The following CARNMT1 variants were observed in gnomAD, a reference collection of about 807,000 sequenced individuals.
The protein encoded by CARNMT1 is protein-L-histidine N-pros-methyltransferase CARNMT1.
In CARNMT1, 28 loss-of-function variants were observed where a neutral mutation model predicts 49.6. That is an observed-to-expected ratio of 0.56 (90% CI 0.42 to 0.77). The LOEUF is 0.77. CARNMT1 is among the 30% of genes least tolerant of loss of function. The probability of loss-of-function intolerance (pLI) is 0.00; values close to 1 mark genes in which losing one functional copy is unlikely to be tolerated. For synonymous variants in CARNMT1, 178 were observed against 175.0 expected (o/e 1.02, Z -0.13); for missense variants, 421 against 512.6 (o/e 0.82, Z 1.73).
intron 6 of CARNMT1, among the ~76,000 whole-genome samples, chr9:74,987,256 T>G (rs1339160460): frequency 6.6e-6 from 1 of 152,220 alleles, no homozygotes; most frequent in Non-Finnish European, 1.5e-5. Flanking sequence ...ACACTCACCA[T>G]ATGTGACCCA....
At chr9:74,989,285 A>G (rs1314749835) in intron 6 of CARNMT1, among the ~76,000 whole-genome samples, 1 of 151,554 alleles carries the variant, frequency 6.6e-6, no homozygotes, top group Non-Finnish European at 1.5e-5. Context: ...TAATTTTTAA[A>G]CTTTTTTTTT....
intron 1 of CARNMT1, 68 bp from the exon 2 acceptor site, chr9:75,017,516 G>A (rs1833888722): frequency 7.5e-7 from 1 of 1,334,762 alleles, no homozygotes; most frequent in African/African-American, 1.5e-5. Context: ...TTACTTTAAG[G>A]TTGTCTTTCT....
At position 74,984,915 on chromosome 9, in the gene CARNMT1, T is replaced by C. The variant is rs1832785411; in HGVS notation, c.1120A>G (p.Lys374Glu). 2 of 1,610,224 alleles carry C rather than the reference T, an allele frequency of 1.2e-6. No homozygotes were observed. The highest frequency in any genetic ancestry group is 1.7e-5 in the Admixed American group (1 of 59,964). The change falls in exon 7 of 8, where the codon AAG becomes GAG. Residue 374 changes from lysine to glutamate, a missense_variant. Lys to Glu is a moderately conservative substitution (Grantham distance 56). Transcript: ENST00000376834. ...TTTTATTCCATTCTTACCTCTACCT[T>C]GAATCCATACTGCAGAACAACGTTT... ...IKNVVLQYGF[K>E]VEVEKESVLS...
intron 1 of CARNMT1, among the ~76,000 whole-genome samples, chr9:75,021,129 T>C (rs761760499): frequency 5.3e-5 from 8 of 151,590 alleles, no homozygotes; most frequent in Non-Finnish European, 8.8e-5. Context: ...CAGGGTTTCA[T>C]TGGAAAAATA....
chr9:74,993,231 A>G (rs1833082634), intron 6 of CARNMT1, among the ~76,000 whole-genome samples: 1 of 152,182 alleles, frequency 6.6e-6, no homozygotes, highest in Non-Finnish European at 1.5e-5. Flanking sequence ...CTCTTAGAAC[A>G]TAAGAAATAC....
intron 6 of CARNMT1, among the ~76,000 whole-genome samples, chr9:74,994,873 TCTC>T (rs2118774704): frequency 6.6e-6 from 1 of 152,210 alleles, no homozygotes; most frequent in African/African-American, 2.4e-5. Flanking sequence ...TGGAATTAGC[TCTC>T]CTAATTGACT....
Position 75,028,138 on chromosome 9 carries a change from C to T in CARNMT1, c.104G>A (p.Gly35Glu). 1 of 1,549,742 alleles carries T rather than the reference C, an allele frequency of 6.5e-7. No individual in the cohort carries two copies. Among genetic ancestry groups the T allele is most frequent in the Admixed American group, 1.9e-5 (1 of 52,574 alleles). Reference sequence around the variant, plus strand: ...AACCGCCGCGGCCGAGCCCCAACGCCCGGCGGAAAACTGCACTTCCACCTC... The same window carrying T: ...AACCGCCGCGGCCGAGCCCCAACGCTCGGCGGAAAACTGCACTTCCACCTC... ...SEEVEVQFSA[G>E]RWGSAAAVSA... The change falls in exon 1 of 8, where the codon GGG becomes GAG. Residue 35 changes from glycine (G) to glutamate (E), a missense_variant. By Grantham distance (98) the Gly-to-Glu change is moderately conservative. Coordinates refer to ENST00000376834, the MANE Select transcript of CARNMT1 (RefSeq NM_152420.3).
At chr9:75,004,750 G>GA (rs1833454140) in intron 3 of CARNMT1, among the ~76,000 whole-genome samples, 1 of 152,028 alleles carries the variant, frequency 6.6e-6, no homozygotes, top group Admixed American at 6.6e-5. Context: ...CTATATAAAA[G>GA]AAAAAACGAA....
intron 3 of CARNMT1, among the ~76,000 whole-genome samples, chr9:75,007,215 A>T (rs944934401): frequency 6.6e-6 from 1 of 152,230 alleles, no homozygotes; most frequent in African/African-American, 2.4e-5. Context: ...AAACTTTAAG[A>T]ATATAACATC....
At chr9:75,014,009 A>C in intron 3 of CARNMT1, among the ~76,000 whole-genome samples, 1 of 136,068 alleles carries the variant, frequency 7.3e-6, no homozygotes, top group African/African-American at 2.8e-5. Flanking sequence ...AAAAAACCAC[A>C]TCCACTTACT....
chr9:74,992,027 T>C (rs13297196), intron 6 of CARNMT1, among the ~76,000 whole-genome samples: 7,972 of 152,250 alleles, frequency 0.052, 394 homozygotes, highest in East Asian at 0.26. Flanking sequence ...ATCCCAGCAC[T>C]TTGGGAGGCT....
upstream of CARNMT1, chr9:75,028,318 T>G: frequency 9.1e-6 from 12 of 1,316,874 alleles, no homozygotes; most frequent in Non-Finnish European, 9.6e-6. Context: ...TTGGCCTTCC[T>G]CTAGACGGCG....
intron 1 of CARNMT1, among the ~76,000 whole-genome samples, chr9:75,020,124 C>T (rs559930321): frequency 6.6e-6 from 1 of 152,182 alleles, no homozygotes; most frequent in East Asian, 1.9e-4. Context: ...GTTTTAAAAA[C>T]TAGGTGATTT....
At chr9:75,018,712 T>A (rs1172111963) in intron 1 of CARNMT1, among the ~76,000 whole-genome samples, 2 of 152,210 alleles carry the variant, frequency 1.3e-5, no homozygotes, top group African/African-American at 2.4e-5. Context: ...ATCCCTGTAA[T>A]CCCTTGGCAC....
rs1275305907 is a variant in CARNMT1 at position 74,981,354 on chromosome 9, A to G, written c.*2413T>C. The G allele has an allele frequency of 1.3e-5, 2 of 152,152 alleles. No homozygotes were observed. Among genetic ancestry groups the G allele is most frequent in the Admixed American group, 6.5e-5 (1 of 15,268 alleles). 9.4% of individuals were successfully genotyped at this position (152,152 alleles called of 1,614,324 possible). A position where few individuals can be genotyped will look rare whatever the true frequency, so the allele number is the denominator to read the frequency against. On this transcript the variant is annotated 3_prime_UTR_variant, in exon 8 of 8. Transcript: ENST00000376834. ...CCTCCCATTTCATAAAGTAAATGAA[A>G]ATGTTTGTGTATAAAGCTAATTTAA...
At chr9:75,014,236 T>A (rs1465656319) in intron 3 of CARNMT1, among the ~76,000 whole-genome samples, 1 of 152,144 alleles carries the variant, frequency 6.6e-6, no homozygotes, top group South Asian at 2.1e-4. Flanking sequence ...AATCCCGAAC[T>A]CCTTTTAGTA....
chr9:75,021,225 T>A (rs144480614), intron 1 of CARNMT1, among the ~76,000 whole-genome samples: 1 of 146,252 alleles, frequency 6.8e-6, no homozygotes, highest in Non-Finnish European at 1.5e-5. Flanking sequence ...CTGTTCAATA[T>A]ACTATATAGA....
intron 3 of CARNMT1, among the ~76,000 whole-genome samples, chr9:75,006,186 G>C (rs34694398): frequency 0.052 from 7,962 of 151,944 alleles, 397 homozygotes; most frequent in East Asian, 0.26. Flanking sequence ...CAGGTAGCTG[G>C]GATTACAAGT....
intron 3 of CARNMT1, among the ~76,000 whole-genome samples, chr9:75,009,498 A>C (rs1371113098): frequency 6.6e-6 from 1 of 152,188 alleles, no homozygotes; most frequent in African/African-American, 2.4e-5. Context: ...AAAAATATTA[A>C]AATCATCAAA....
Sources: allele counts gnomAD v4.1 joint callset (sites outside exome capture counted in the v4.1 genomes callset), GRCh38; gene constraint gnomAD v4.1.1; transcripts MANE v1.5; gene names NCBI Gene and HGNC (gene_info 2026-07-23, HGNC 2026-07-21).